ELAVL2: variants seen among roughly 807,000 people sequenced by gnomAD.
The protein encoded by ELAVL2 is ELAV-like protein 2.
Under a neutral mutation model 34.6 loss-of-function variants are expected in ELAVL2, and 4 were observed. The ratio of observed to expected loss-of-function variants is 0.12; its 90% CI spans 0.06 to 0.26. The LOEUF is 0.26. Among genes scored for constraint, ELAVL2 ranks in the 10% least tolerant of loss-of-function variants. The pLI, the probability that ELAVL2 is intolerant of heterozygous loss-of-function variation, is 1.00. For missense variants in ELAVL2, 432 were observed against 442.8 expected (o/e 0.98, Z 0.22); for synonymous variants, 193 against 154.8 (o/e 1.25, Z -1.83).
At chr9:23,724,989 G>C (rs1171391316) in intron 3 of ELAVL2, among the ~76,000 whole-genome samples, 1 of 151,998 alleles carries the variant, frequency 6.6e-6, no homozygotes, top group Non-Finnish European at 1.5e-5. Flanking sequence ...ATCTGCTCAA[G>C]GTAAAGGTTT....
intron 3 of ELAVL2, among the ~76,000 whole-genome samples, chr9:23,729,912 C>A (rs963294386): frequency 1.3e-5 from 2 of 152,108 alleles, no homozygotes; most frequent in Admixed American, 6.6e-5. Flanking sequence ...TTACACAAGT[C>A]TCTAAGCAAG....
At chr9:23,787,958 T>C (rs1336983156) in intron 1 of ELAVL2, among the ~76,000 whole-genome samples, 1 of 152,088 alleles carries the variant, frequency 6.6e-6, no homozygotes, top group Non-Finnish European at 1.5e-5. Flanking sequence ...CCAGACTAAC[T>C]TCAGGGAAAG....
chr9:23,703,012 C>A (rs1354384255), intron 4 of ELAVL2, among the ~76,000 whole-genome samples: 2 of 132,184 alleles, frequency 1.5e-5, no homozygotes, highest in African/African-American at 5.4e-5. Context: ...TCACCTAAAT[C>A]GGTGGTCCTC....
chr9:23,701,729 C>G, intron 4 of ELAVL2, 125 bp from the exon 5 acceptor site: 1 of 987,286 alleles, frequency 1.0e-6, no homozygotes, highest in Non-Finnish European at 1.5e-6. Flanking sequence ...ACATTTCCCA[C>G]AAAATCACAC....
chr9:23,779,306 A>C (rs2136691616), intron 1 of ELAVL2: 1 of 985,416 alleles, frequency 1.0e-6, no homozygotes, highest in African/African-American at 1.7e-5. Flanking sequence ...ACACTGGCAA[A>C]GTGGGCAGAC....
At chr9:23,714,256 T>C (rs999286927) in intron 3 of ELAVL2, among the ~76,000 whole-genome samples, 1 of 152,182 alleles carries the variant, frequency 6.6e-6, no homozygotes, top group Non-Finnish European at 1.5e-5. Context: ...CTATTATCTT[T>C]GAGGTCAGGA....
intron 1 of ELAVL2, among the ~76,000 whole-genome samples, chr9:23,793,043 G>A (rs947500874): frequency 5.9e-5 from 9 of 152,094 alleles, no homozygotes; most frequent in African/African-American, 2.2e-4. Flanking sequence ...CTCCCAAAGT[G>A]CTGGGATTAC....
chr9:23,747,174 G>A (rs536878494), intron 2 of ELAVL2, among the ~76,000 whole-genome samples: 4 of 147,636 alleles, frequency 2.7e-5, no homozygotes, highest in Admixed American at 1.3e-4. Flanking sequence ...TTTTTTTTCC[G>A]ATCTGTTAAG....
chr9:23,745,502 T>C (rs1208560971), intron 2 of ELAVL2, among the ~76,000 whole-genome samples: 1 of 152,116 alleles, frequency 6.6e-6, no homozygotes, highest in Non-Finnish European at 1.5e-5. Flanking sequence ...AGATTCTTTT[T>C]TGAACAATTA....
the ELAVL2 span, among the ~76,000 whole-genome samples, chr9:23,837,712 A>C: frequency 6.6e-6 from 1 of 152,222 alleles, no homozygotes; most frequent in Non-Finnish European, 1.5e-5. Context: ...AATACAACAG[A>C]AATTACAGAT....
chr9:23,803,142 G>C (rs1588657723), intron 1 of ELAVL2, among the ~76,000 whole-genome samples: 1 of 152,162 alleles, frequency 6.6e-6, no homozygotes, highest in East Asian at 1.9e-4. Context: ...CCTTCAAAGG[G>C]ATGTTCCTCC....
chr9:23,717,087 A>C (rs1339503405), intron 3 of ELAVL2, among the ~76,000 whole-genome samples: 1 of 152,218 alleles, frequency 6.6e-6, no homozygotes, highest in Non-Finnish European at 1.5e-5. Context: ...AGTAAAGTTA[A>C]ATGTAAATGC....
intron 1 of ELAVL2, among the ~76,000 whole-genome samples, chr9:23,780,022 A>C (rs1449529570): frequency 9.5e-6 from 1 of 104,868 alleles, no homozygotes; most frequent in Non-Finnish European, 1.8e-5. Flanking sequence ...AAAAAAAAAA[A>C]AAAAAAAAAA....
chr9:23,790,047 C>G (rs565138866), intron 1 of ELAVL2, among the ~76,000 whole-genome samples: 1 of 150,696 alleles, frequency 6.6e-6, no homozygotes, highest in South Asian at 2.1e-4. Flanking sequence ...CACAAAATGA[C>G]AGGTTGATGG....
intron 1 of ELAVL2, among the ~76,000 whole-genome samples, chr9:23,795,500 G>A (rs540913409): frequency 1.3e-5 from 2 of 152,188 alleles, no homozygotes; most frequent in South Asian, 2.1e-4. Flanking sequence ...CCGAGATCAC[G>A]CCACTGCTGT....
intron 1 of ELAVL2, among the ~76,000 whole-genome samples, chr9:23,799,350 G>C (rs571071286): frequency 6.6e-6 from 1 of 152,048 alleles, no homozygotes; most frequent in South Asian, 2.1e-4. Flanking sequence ...TTCCCATCCC[G>C]CATTTTAAGA....
intron 5 of ELAVL2, among the ~76,000 whole-genome samples, chr9:23,694,483 C>T (rs2034397693): frequency 6.6e-6 from 1 of 152,154 alleles, no homozygotes; most frequent in East Asian, 1.9e-4. Flanking sequence ...CCACAACCAC[C>T]CTCAACTGCT....
intron 6 of ELAVL2, 31 bp downstream of exon 6, chr9:23,693,417 G>T (rs1378996904): frequency 6.2e-7 from 1 of 1,613,254 alleles, no homozygotes; most frequent in African/African-American, 1.3e-5. Flanking sequence ...TGTGGAAAGG[G>T]ATTATGAGTA....
chr9:23,704,010 G>A (rs918146171), intron 4 of ELAVL2, among the ~76,000 whole-genome samples: 4 of 152,136 alleles, frequency 2.6e-5, no homozygotes, highest in African/African-American at 4.8e-5. Flanking sequence ...TCAGCTCACC[G>A]TGACCTCCGC....
Sources: allele counts gnomAD v4.1 joint callset (sites outside exome capture counted in the v4.1 genomes callset), GRCh38; gene constraint gnomAD v4.1.1; transcripts MANE v1.5; gene names NCBI Gene and HGNC (gene_info 2026-07-23, HGNC 2026-07-21).